DCDC2: variants seen among roughly 807,000 people sequenced by gnomAD.
The protein encoded by DCDC2 is doublecortin domain containing 2, also known as doublecortin domain-containing protein 2.
DCDC2 carries 40 observed loss-of-function variants against 50.2 expected under a neutral mutation model. That is an observed-to-expected ratio of 0.80 (90% CI 0.62 to 1.04). The LOEUF is 1.04. Among genes scored for constraint, DCDC2 ranks in the 50% least tolerant of loss-of-function variants. The pLI is 0.00. For synonymous variants in DCDC2, 234 were observed against 210.6 expected (o/e 1.11, Z -0.96); for missense variants, 570 against 581.9 (o/e 0.98, Z 0.21).
In DCDC2 at chr6:24,291,154, T is replaced by C; in HGVS notation, c.558-76A>G. ...AATTGCTTAAGATTACAAAGTATTCTGGATGTCAAAAAAATTAAAATTACA... is the reference window on the plus strand; with the variant it reads ...AATTGCTTAAGATTACAAAGTATTCCGGATGTCAAAAAAATTAAAATTACA... On this transcript the variant is annotated intron_variant, in intron 4 of 9. Transcript: ENST00000378454. 7.7e-6 allele frequency: 11 copies of C among 1,434,246 alleles called. No individual in the cohort carries two copies. The South Asian group carries it at 1.4e-4, about 18-fold the overall frequency. 88.8% of individuals were successfully genotyped at this position (1,434,246 alleles called of 1,614,324 possible).
chr6:24,381,803 A>G, the DCDC2 span, among the ~76,000 whole-genome samples: 177 of 67,258 alleles, frequency 2.6e-3, 1 homozygote, highest in African/African-American at 8.1e-3. Context: ...GGAAGGAAAG[A>G]AAGGAAGGAA....
intron 7 of DCDC2, among the ~76,000 whole-genome samples, chr6:24,239,235 C>A (rs1762517333): frequency 6.6e-6 from 1 of 152,090 alleles, no homozygotes; most frequent in Non-Finnish European, 1.5e-5. Context: ...TCGGTATCAA[C>A]CCAGAGGAAG....
At chr6:24,308,552 T>C (rs780183234) in intron 2 of DCDC2, among the ~76,000 whole-genome samples, 1 of 152,038 alleles carries the variant, frequency 6.6e-6, no homozygotes, top group Non-Finnish European at 1.5e-5. Flanking sequence ...CTATAAAACA[T>C]GTAAATAAAG....
chr6:24,267,505 T>G (rs1763149031), intron 7 of DCDC2, among the ~76,000 whole-genome samples: 1 of 152,176 alleles, frequency 6.6e-6, no homozygotes, highest in Non-Finnish European at 1.5e-5. Flanking sequence ...AAGTTAAATG[T>G]AAAAGTATGA....
chr6:24,301,535 T>C lies in DCDC2; in HGVS notation c.557+180A>G, dbSNP rs118049983. On this transcript the variant is annotated intron_variant, in intron 4 of 9. Transcript: ENST00000378454. ...GACTGTTTTAAGCTCTGTATGTGGATTACCTCATTTTAAACAACGCTATGA... is the reference window on the plus strand; with the variant it reads ...GACTGTTTTAAGCTCTGTATGTGGACTACCTCATTTTAAACAACGCTATGA... 1.6e-4 allele frequency among the ~76,000 whole-genome samples: 24 copies of C among 152,242 alleles called. No homozygotes were observed. The East Asian group carries it at 4.6e-3, about 29-fold the overall frequency.
chr6:24,193,155 T>C (rs1321681878), intron 8 of DCDC2, among the ~76,000 whole-genome samples: 1 of 152,088 alleles, frequency 6.6e-6, no homozygotes, highest in Non-Finnish European at 1.5e-5. Flanking sequence ...TACAGTCAAG[T>C]TTGATTAGAG....
At chr6:24,217,687 T>C (rs930509560) in intron 7 of DCDC2, among the ~76,000 whole-genome samples, 6 of 152,210 alleles carry the variant, frequency 3.9e-5, no homozygotes, top group African/African-American at 1.4e-4. Context: ...TACAGATTAA[T>C]GTGCTTTGAC....
chr6:24,290,901 A>C, intron 5 of DCDC2, 31 bp downstream of exon 5: 2 of 1,584,986 alleles, frequency 1.3e-6, no homozygotes, highest in Non-Finnish European at 1.7e-6. Flanking sequence ...TGGTAACTAA[A>C]GCATGAGGAG....
chr6:24,337,130 C>A (rs558780916), intron 2 of DCDC2, among the ~76,000 whole-genome samples: 2 of 152,238 alleles, frequency 1.3e-5, no homozygotes, highest in East Asian at 3.9e-4. Flanking sequence ...CTGGAAAAAA[C>A]AGCTAAAGAA....
At chr6:24,319,186 C>T (rs1935033) in intron 2 of DCDC2, among the ~76,000 whole-genome samples, 122,016 of 152,074 alleles carry the variant, frequency 0.8, 49,258 homozygotes, top group Non-Finnish European at 0.84. Flanking sequence ...TGATCAGTGA[C>T]GTTGAGCAGT....
chr6:24,294,321 C>T (rs1422816762), intron 4 of DCDC2, among the ~76,000 whole-genome samples: 2 of 152,048 alleles, frequency 1.3e-5, no homozygotes, highest in East Asian at 3.8e-4. Context: ...TGCCACTGCA[C>T]TTTAGCCTGG....
At chr6:24,376,140 T>A in the DCDC2 span, among the ~76,000 whole-genome samples, 1 of 152,340 alleles carries the variant, frequency 6.6e-6, no homozygotes, top group Non-Finnish European at 1.5e-5. Flanking sequence ...TTAAATGTGA[T>A]GTAAGCCCAG....
At chr6:24,186,134 A>G (rs1412923810) in intron 8 of DCDC2, among the ~76,000 whole-genome samples, 1 of 152,256 alleles carries the variant, frequency 6.6e-6, no homozygotes, top group Non-Finnish European at 1.5e-5. Flanking sequence ...CAGAAGTAAT[A>G]CGAATGTACA....
intron 9 of DCDC2, among the ~76,000 whole-genome samples, chr6:24,177,387 GC>G (rs1169258836): frequency 2.6e-5 from 4 of 152,188 alleles, no homozygotes. Context: ...CGCTAAACTT[GC>G]TTTCCCTAAG....
At chr6:24,333,768 A>G (rs2127241908) in intron 2 of DCDC2, among the ~76,000 whole-genome samples, 1 of 152,314 alleles carries the variant, frequency 6.6e-6, no homozygotes, top group East Asian at 1.9e-4. Context: ...CAGAATGCAA[A>G]AGCTGAATGG....
intron 7 of DCDC2, among the ~76,000 whole-genome samples, chr6:24,220,901 AGC>A (rs1762099836): frequency 6.6e-6 from 1 of 151,066 alleles, no homozygotes; most frequent in African/African-American, 2.4e-5. Flanking sequence ...TGAGCGAGCG[AGC>A]GAGAGAGTGA....
chr6:24,377,111 T>C, the DCDC2 span, among the ~76,000 whole-genome samples: 1 of 152,218 alleles, frequency 6.6e-6, no homozygotes, highest in Non-Finnish European at 1.5e-5. Context: ...GCCTGAGGTC[T>C]TCAACCACAG....
intron 2 of DCDC2, among the ~76,000 whole-genome samples, chr6:24,313,179 A>G (rs1367534989): frequency 6.6e-6 from 1 of 152,296 alleles, no homozygotes; most frequent in African/African-American, 2.4e-5. Context: ...TTATTCTAAA[A>G]ATAATTATTT....
intron 4 of DCDC2, among the ~76,000 whole-genome samples, chr6:24,299,673 G>A (rs1759330390): frequency 6.6e-6 from 1 of 152,122 alleles, no homozygotes; most frequent in Non-Finnish European, 1.5e-5. Flanking sequence ...TAGCACTTTG[G>A]GAGGCCAAGG....
Sources: allele counts gnomAD v4.1 joint callset (sites outside exome capture counted in the v4.1 genomes callset), GRCh38; gene constraint gnomAD v4.1.1; transcripts MANE v1.5; gene names NCBI Gene and HGNC (gene_info 2026-07-23, HGNC 2026-07-21).